Variants in TBX1 observed in about 807,000 individuals in gnomAD.
TBX1 encodes T-box transcription factor 1.
In TBX1, 16 loss-of-function variants were observed where a neutral mutation model predicts 40.8. The ratio of observed to expected loss-of-function variants is 0.39; its 90% CI spans 0.27 to 0.60. The LOEUF is 0.60. Among genes scored for constraint, TBX1 ranks in the 20% least tolerant of loss-of-function variants. TBX1 has a pLI of 0.51. For missense variants in TBX1, 755 were observed against 728.5 expected (o/e 1.04, Z -0.42); for synonymous variants, 403 against 336.8 (o/e 1.20, Z -2.15).
intron 1 of TBX1, 128 bp from the exon 2 acceptor site, chr22:19,763,113 G>T: frequency 2.7e-6 from 2 of 751,222 alleles, no homozygotes; most frequent in Non-Finnish European, 4.7e-6. Context: ...GGAGCCCAAG[G>T]GCTGGGACGA....
At position 19,761,072 on chromosome 22, in the gene TBX1, C is replaced by A; in HGVS notation, c.229C>A (p.His77Asn). The A allele has an allele frequency of 1.1e-6, 1 of 949,878 alleles. No individual in the cohort carries two copies. The highest frequency in any genetic ancestry group is 1.3e-6 in the Non-Finnish European group (1 of 788,366). 58.8% of individuals were successfully genotyped at this position (949,878 alleles called of 1,614,324 possible). The change falls in exon 1 of 7, where the codon CAC becomes AAC. Residue 77 changes from histidine (H) to asparagine (N), a missense_variant. Physicochemically the swap from His to Asn is moderately conservative, Grantham distance 68. Around this residue, in one of 3 missense-constraint regions of TBX1, gnomAD observed 199 missense variants for 173.0 expected, o/e 1.15. Coordinates refer to ENST00000649276, the MANE Select transcript of TBX1 (RefSeq NM_001379200.1). Reference protein sequence around the residue: ...PGAPGPPPPPHAYPFAPAAGA... With the variant: ...PGAPGPPPPPNAYPFAPAAGA... ...CGCCCCGGGCCCGCCGCCGCCGCCGCACGCCTACCCGTTTGCGCCGGCCGC... is the reference window on the plus strand; with the variant it reads ...CGCCCCGGGCCCGCCGCCGCCGCCGAACGCCTACCCGTTTGCGCCGGCCGC...
downstream of TBX1, chr22:19,783,378 C>T: frequency 2.9e-6 from 1 of 349,706 alleles, no homozygotes; most frequent in Non-Finnish European, 5.6e-6. Context: ...AGATGTGCTG[C>T]TGTTCCCAGG....
chr22:19,779,144 G>A, intron 8 of TBX1: 1 of 1,551,724 alleles, frequency 6.4e-7, no homozygotes, highest in Non-Finnish European at 8.9e-7. Context: ...CATTTGTGCA[G>A]TCTGATCTGC....
chr22:19,764,899 CACCCCAG>C, intron 3 of TBX1, 52 bp from the exon 4 acceptor site: 2 of 1,606,314 alleles, frequency 1.2e-6, no homozygotes, highest in Non-Finnish European at 1.7e-6. Context: ...TCCTGGCTCC[CACCCCAG>C]ATCCTCAGCC....
intron 2 of TBX1, among the ~76,000 whole-genome samples, chr22:19,763,928 C>T (rs1047809402): frequency 1.1e-4 from 16 of 152,318 alleles, no homozygotes; most frequent in Admixed American, 3.3e-4. Flanking sequence ...TCTCGGTGCC[C>T]CACAGGGTGT....
At chr22:19,762,128 CTG>C (rs1380035208) in intron 1 of TBX1, among the ~76,000 whole-genome samples, 2 of 152,262 alleles carry the variant, frequency 1.3e-5, no homozygotes, top group African/African-American at 4.8e-5. Context: ...TGCTCCAGCT[CTG>C]TGGTTTTTTT....
In TBX1 at chr22:19,767,131, A is replaced by T. The variant is rs537729175; in HGVS notation, c.*264A>T. 2 of 1,245,750 alleles carry T rather than the reference A, an allele frequency of 1.6e-6. No homozygotes were observed. The highest frequency in any genetic ancestry group is 2.0e-6 in the Non-Finnish European group (2 of 995,572). 77.2% of individuals were successfully genotyped at this position (1,245,750 alleles called of 1,614,324 possible). ...AGGGCCAAGGGGGTCCCCGCCCGCC[A>T]GTGCCAAAGCGCCCGGTCGGAGGCG... On this transcript the variant is annotated 3_prime_UTR_variant, in exon 7 of 7. Transcript: ENST00000649276.
upstream of TBX1, among the ~76,000 whole-genome samples, chr22:19,757,795 G>A (rs41299449): frequency 0.011 from 1,727 of 152,314 alleles, 24 homozygotes; most frequent in South Asian, 0.039. Context: ...ACTCCTCACT[G>A]GACTTGTCCC....
At chr22:19,763,089 A>G (rs1266025966) in intron 1 of TBX1, 152 bp from the exon 2 acceptor site, 1 of 694,798 alleles carries the variant, frequency 1.4e-6, no homozygotes, top group Non-Finnish European at 2.6e-6. Flanking sequence ...TAGAGCAGCT[A>G]AGCCAGGAAA....
chr22:19,769,544 C>T (rs940568173), downstream of TBX1, among the ~76,000 whole-genome samples: 6 of 152,242 alleles, frequency 3.9e-5, no homozygotes, highest in African/African-American at 9.6e-5. Flanking sequence ...CGCCGCTGCT[C>T]ACCGTCCCTC....
At chr22:19,768,968 T>TTTTTTTTTTTG, downstream of TBX1, among the ~76,000 whole-genome samples, 1 of 139,782 alleles carries the variant, frequency 7.2e-6, no homozygotes, top group Non-Finnish European at 1.6e-5. Context: ...TTTTTTTTTT[T>TTTTTTTTTTTG]TTTTTTTTTT....
intron 1 of TBX1, 55 bp from the exon 2 acceptor site, chr22:19,763,186 T>C: frequency 6.7e-7 from 1 of 1,494,574 alleles, no homozygotes; most frequent in Non-Finnish European, 9.3e-7. Flanking sequence ...CCCAGGCAGG[T>C]CAAGGGGGGC....
At chr22:19,757,206 G>A (rs1283783946), upstream of TBX1, among the ~76,000 whole-genome samples, 4 of 152,152 alleles carry the variant, frequency 2.6e-5, no homozygotes, top group East Asian at 3.9e-4. Context: ...TCTTCCCGTC[G>A]CCCTTCTGGT....
At chr22:19,759,605 C>A (rs72646950), upstream of TBX1, 1 of 1,609,706 alleles carries the variant, frequency 6.2e-7, no homozygotes, top group Non-Finnish European at 8.5e-7. Context: ...GTCCTCCGAC[C>A]GGGTGAAGCT....
In TBX1 at chr22:19,761,162, A is replaced by G; in HGVS notation, c.319A>G (p.Lys107Glu). 6.7e-7 allele frequency: 1 copy of G among 1,503,704 alleles called. No homozygotes were observed. Among genetic ancestry groups the G allele is most frequent in the Non-Finnish European group, 8.9e-7 (1 of 1,120,220 alleles). The allele number at this position is 1,503,704 out of a possible 1,614,324, so 93.1% of individuals were successfully genotyped here. A position where few individuals can be genotyped will look rare whatever the true frequency, so the allele number is the denominator to read the frequency against. ...GPGASCAAAA[K>E]APVKKNAKVA... is the part of the protein sequence containing the mutation. ...CGGGGCCAGCTGCGCGGCCGCAGCC[A>G]AGGCGCCGGTGAAGAAGAACGCGAA... is the stretch of plus-strand genomic sequence containing the variant. Residue 107 changes from lysine to glutamate, a missense_variant, in exon 1 of 7, where the codon AAG (lysine) becomes GAG (glutamate). Physicochemically the swap from Lys to Glu is moderately conservative, Grantham distance 56 (BLOSUM62 1). Coordinates refer to ENST00000649276, the MANE Select transcript of TBX1 (RefSeq NM_001379200.1).
In TBX1 at chr22:19,765,951, C is replaced by T. The variant is rs773107514; in HGVS notation, c.985C>T (p.Arg329Cys). ...ACTGCCGCTCATGAGCGCCTTCGCG[C>T]GCTCGCGGAACCCCGTGGCTTCCCC... ...GALPLMSAFA[R>C]SRNPVASPTQ... The change falls in exon 6 of 7, where the codon CGC becomes TGC. Residue 329 changes from arginine to cysteine, a missense_variant. Arg to Cys is a radical substitution (Grantham distance 180, BLOSUM62 -3). Coordinates refer to ENST00000649276, the MANE Select transcript of TBX1 (RefSeq NM_001379200.1). The T allele has an allele frequency of 6.6e-6, 10 of 1,522,278 alleles. No homozygotes were observed. In the South Asian group the frequency reaches 1.2e-4, roughly 19 times the overall value. 94.3% of individuals were successfully genotyped at this position (1,522,278 alleles called of 1,614,324 possible). A position where few individuals can be genotyped will look rare whatever the true frequency, so the allele number is the denominator to read the frequency against.
downstream of TBX1, chr22:19,782,960 C>G: frequency 6.6e-7 from 1 of 1,511,560 alleles, no homozygotes; most frequent in Non-Finnish European, 9.2e-7. Context: ...GCTGGACGTG[C>G]TCTTGAAGCC....
At chr22:19,759,586 G>T, upstream of TBX1, 1 of 1,603,542 alleles carries the variant, frequency 6.2e-7, no homozygotes, top group South Asian at 1.1e-5. Flanking sequence ...CCGCCCACCA[G>T]GGCTCAGGGT....
chr22:19,774,063 GGAT>G (rs1001282910), intron 8 of TBX1, among the ~76,000 whole-genome samples: 2 of 152,198 alleles, frequency 1.3e-5, no homozygotes, highest in Non-Finnish European at 2.9e-5. Context: ...ATATCCATTA[GGAT>G]GATGATGATT....
Sources: allele counts gnomAD v4.1 joint callset (sites outside exome capture counted in the v4.1 genomes callset), GRCh38; gene constraint gnomAD v4.1.1; regional missense constraint gnomAD v4.1.1; transcripts MANE v1.5; gene names NCBI Gene and HGNC (gene_info 2026-07-23, HGNC 2026-07-21).